The following SMYD3 variants were observed in gnomAD, a reference collection of about 807,000 sequenced individuals.
SMYD3 encodes SET and MYND domain containing 3.
Under a neutral mutation model 57.7 loss-of-function variants are expected in SMYD3, and 36 were observed. That is an observed-to-expected ratio of 0.62 (90% confidence interval 0.48 to 0.82). The LOEUF is 0.82. Among genes scored for constraint, SMYD3 ranks in the 40% least tolerant of loss-of-function variants. SMYD3 has a pLI of 0.00. For synonymous variants in SMYD3, 211 were observed against 195.0 expected, an observed-to-expected ratio of 1.08 and a Z score of -0.68; for missense variants, 515 against 538.8, an observed-to-expected ratio of 0.96 and a Z score of 0.44.
intron 5 of SMYD3, among the ~76,000 whole-genome samples, chr1:246,137,400 A>G (rs938852461): frequency 1.3e-5 from 2 of 152,238 alleles, no homozygotes; most frequent in African/African-American, 4.8e-5. Flanking sequence ...AGTAAAAGAT[A>G]CATGATTATC....
intron 5 of SMYD3, among the ~76,000 whole-genome samples, chr1:246,264,045 T>G (rs2064060769): frequency 1.0e-5 from 1 of 96,706 alleles, no homozygotes; most frequent in African/African-American, 4.1e-5. Flanking sequence ...ATAAATGTTT[T>G]TTTTTTTGTT....
chr1:246,435,277 C>T (rs1384152289), intron 1 of SMYD3, among the ~76,000 whole-genome samples: 2 of 152,064 alleles, frequency 1.3e-5, no homozygotes, highest in Non-Finnish European at 2.9e-5. Flanking sequence ...TATACCCATG[C>T]CACAAACTTG....
chr1:246,311,705 GC>G (rs2065083290), intron 5 of SMYD3, among the ~76,000 whole-genome samples: 1 of 152,208 alleles, frequency 6.6e-6, no homozygotes, highest in Non-Finnish European at 1.5e-5. Context: ...ACTAGGCCTT[GC>G]TGAATTGTCA....
At chr1:245,901,874 T>G (rs1406929104) in intron 8 of SMYD3, among the ~76,000 whole-genome samples, 3 of 152,124 alleles carry the variant, frequency 2.0e-5, no homozygotes, top group Non-Finnish European at 4.4e-5. Context: ...CCACCACAGA[T>G]GCCTGCCATC....
At chr1:245,932,069 T>A (rs931184548) in intron 5 of SMYD3, among the ~76,000 whole-genome samples, 2 of 152,266 alleles carry the variant, frequency 1.3e-5, no homozygotes, top group African/African-American at 2.4e-5. Flanking sequence ...TAAACATTTT[T>A]AAATGTGTAT....
intron 5 of SMYD3, among the ~76,000 whole-genome samples, chr1:246,196,535 G>C (rs1202861691): frequency 1.3e-5 from 2 of 152,166 alleles, no homozygotes; most frequent in Non-Finnish European, 1.5e-5. Context: ...CAAGTTGACT[G>C]AGACAATTAT....
At chr1:246,315,218 G>A (rs530398304) in intron 5 of SMYD3, among the ~76,000 whole-genome samples, 4 of 152,324 alleles carry the variant, frequency 2.6e-5, no homozygotes, top group African/African-American at 9.6e-5. Context: ...GGGGACACAT[G>A]ACCTATTTTC....
intron 5 of SMYD3, among the ~76,000 whole-genome samples, chr1:246,317,987 C>T (rs1355840869): frequency 6.6e-6 from 1 of 152,096 alleles, no homozygotes; most frequent in East Asian, 1.9e-4. Context: ...CTCTATGAGT[C>T]AGAGCTATCA....
Position 246,415,423 on chromosome 1 carries a change from C to G in SMYD3, c.165-60329G>C, listed in dbSNP as rs1248908825. On this transcript the variant is annotated intron_variant, in intron 1 of 11. Transcript: ENST00000490107. ...ACTGTTTTTAAATGCTTTAACTACT[C>G]CATTATTTTTAATCCTCACAACAAT... Among the ~76,000 whole-genome samples the G allele has an allele frequency of 7.9e-5, 12 of 152,268 alleles. No individual in the cohort carries two copies. In the East Asian group the frequency reaches 2.3e-3, roughly 29 times the overall value.
chr1:245,837,926 G>A (rs755255364), intron 10 of SMYD3, among the ~76,000 whole-genome samples: 4 of 152,188 alleles, frequency 2.6e-5, no homozygotes, highest in Non-Finnish European at 5.9e-5. Context: ...GGAAGTCAAC[G>A]GCATAACACA....
At chr1:246,050,072 A>G in intron 5 of SMYD3, among the ~76,000 whole-genome samples, 1 of 152,240 alleles carries the variant, frequency 6.6e-6, no homozygotes, top group Non-Finnish European at 1.5e-5. Flanking sequence ...CCTTTCACGA[A>G]ATACTTAGAG....
intron 10 of SMYD3, among the ~76,000 whole-genome samples, chr1:245,840,541 G>C (rs1247723453): frequency 6.6e-6 from 1 of 152,074 alleles, no homozygotes; most frequent in African/African-American, 2.4e-5. Context: ...AGTGTTTGAG[G>C]TGTCACAGGT....
chr1:246,466,865 T>A (rs762876960), intron 1 of SMYD3, among the ~76,000 whole-genome samples: 5 of 151,380 alleles, frequency 3.3e-5, no homozygotes, highest in Admixed American at 2.6e-4. Flanking sequence ...ATAATAATTT[T>A]TAAAATTTTT....
At chr1:245,899,529 C>T (rs1005435705) in intron 8 of SMYD3, among the ~76,000 whole-genome samples, 1 of 152,096 alleles carries the variant, frequency 6.6e-6, no homozygotes, top group African/African-American at 2.4e-5. Context: ...ATGACTTGCC[C>T]AGGACCATTC....
intron 5 of SMYD3, among the ~76,000 whole-genome samples, chr1:245,979,593 G>A (rs1447586093): frequency 2.0e-5 from 3 of 152,118 alleles, no homozygotes; most frequent in Non-Finnish European, 4.4e-5. Context: ...GGAGCTACGG[G>A]AAAGAAACGG....
intron 5 of SMYD3, among the ~76,000 whole-genome samples, chr1:246,021,210 A>G (rs11807310): frequency 0.17 from 26,016 of 152,158 alleles, 2,797 homozygotes; most frequent in East Asian, 0.56. Flanking sequence ...CAGGAGTTCC[A>G]CTTCTACTGC....
At chr1:245,920,389 A>T (rs2147799121) in intron 7 of SMYD3, among the ~76,000 whole-genome samples, 1 of 151,604 alleles carries the variant, frequency 6.6e-6, no homozygotes, top group East Asian at 1.9e-4. Flanking sequence ...TTCCGTGATC[A>T]CAGTTATGAA....
rs2068484492 is a variant in SMYD3 at position 246,503,267 on chromosome 1, A to G, written c.164+3787T>C. 2.0e-5 allele frequency among the ~76,000 whole-genome samples: 3 copies of G among 152,294 alleles called. No individual in the cohort carries two copies. In the South Asian group the frequency reaches 6.2e-4, roughly 32 times the overall value. On this transcript the variant is annotated intron_variant, in intron 1 of 11. Transcript: ENST00000490107. Reference sequence around the variant, plus strand: ...TCCTCCTTCCTCCTGGGAGGCACTAAGCCTCATTCTCAGCCTTAATGCCAG... The same window carrying G: ...TCCTCCTTCCTCCTGGGAGGCACTAGGCCTCATTCTCAGCCTTAATGCCAG...
At position 245,837,606 on chromosome 1, in the gene SMYD3, C is replaced by T. The variant is rs190092404; in HGVS notation, c.1076+20890G>A. On this transcript the variant is annotated intron_variant, in intron 10 of 11. Transcript: ENST00000490107. ...TCACACTGTGTTAGTACCCAGGAGA[C>T]TTTAGCCTTCCCAAATCTCACTGGA... Among the ~76,000 whole-genome samples the T allele has an allele frequency of 1.6e-3, 240 of 152,278 alleles. 1 individual carries two copies. The highest frequency in any genetic ancestry group is 2.7e-3 in the Non-Finnish European group (181 of 68,026).
Sources: gnomAD v4.1 joint callset for allele counts (sites outside exome capture counted in the v4.1 genomes callset) on GRCh38, gnomAD v4.1.1 for gene constraint, MANE v1.5 for transcripts, NCBI Gene and HGNC (gene_info 2026-07-23, HGNC 2026-07-21) for gene names.